The following RAPGEF2 variants were observed in gnomAD, a reference collection of about 807,000 sequenced individuals.
The protein encoded by RAPGEF2 is PDZ domain containing guanine nucleotide exchange factor (GEF) 1.
Under a neutral mutation model 186.7 loss-of-function variants are expected in RAPGEF2, and 54 were observed. The ratio of observed to expected loss-of-function variants is 0.29; its 90% confidence interval spans 0.23 to 0.36. The LOEUF is 0.36. Among genes scored for constraint, RAPGEF2 ranks in the 10% least tolerant of loss-of-function variants. The pLI is 1.00. For synonymous variants in RAPGEF2, 712 were observed against 705.9 expected (o/e 1.01, Z -0.14); for missense variants, 1,532 against 2,045.0 (o/e 0.75, Z 4.84).
chr4:159,339,723 T>G (rs1018305854), intron 19 of RAPGEF2, among the ~76,000 whole-genome samples: 2 of 152,200 alleles, frequency 1.3e-5, no homozygotes, highest in African/African-American at 4.8e-5. Flanking sequence ...CTTCCCTTTG[T>G]ATATGTACGT....
At chr4:159,169,637 T>C (rs1277914935) in intron 1 of RAPGEF2, among the ~76,000 whole-genome samples, 1 of 149,096 alleles carries the variant, frequency 6.7e-6, no homozygotes, top group Non-Finnish European at 1.5e-5. Flanking sequence ...CTCCTGTGAA[T>C]TCAACTTCTC....
chr4:159,296,449 ATT>A, intron 7 of RAPGEF2, among the ~76,000 whole-genome samples: 1 of 152,166 alleles, frequency 6.6e-6, no homozygotes. Context: ...ATCCATGAGA[ATT>A]TTCAGGTCAA....
chr4:159,341,662 G>T lies in RAPGEF2; in HGVS notation c.2633G>T (p.Ser878Ile). ...AGTCAAATTTCCCTCCTTCAGCTCA[G>T]CACTGTGGAAGTTGCAACACAGCTC... Reference protein sequence around the residue: ...RESQISLLQLSTVEVATQLSM... With the variant: ...RESQISLLQLITVEVATQLSM... The change falls in exon 20 of 30, where the codon AGC (serine) becomes ATC (isoleucine). Residue 878 changes from serine (S) to isoleucine (I), a missense_variant. This residue lies in a region of RAPGEF2 where 810 missense variants were observed against 1,210.5 expected (regional missense o/e 0.67). Coordinates refer to ENST00000691494, the MANE Select transcript of RAPGEF2 (RefSeq NM_001394067.2). 1 of 1,614,090 alleles carries T rather than the reference G, an allele frequency of 6.2e-7. No homozygotes were observed.
intron 1 of RAPGEF2, among the ~76,000 whole-genome samples, chr4:159,126,202 TG>T (rs1740282940): frequency 6.6e-6 from 1 of 152,234 alleles, no homozygotes; most frequent in Non-Finnish European, 1.5e-5. Flanking sequence ...TCAAACTTAC[TG>T]TGTAGCATTT....
At chr4:159,189,263 G>A (rs1386005099) in intron 2 of RAPGEF2, among the ~76,000 whole-genome samples, 1 of 152,102 alleles carries the variant, frequency 6.6e-6, no homozygotes, top group Non-Finnish European at 1.5e-5. Flanking sequence ...GAGTGGAAGT[G>A]GCTTTTATTT....
intron 7 of RAPGEF2, among the ~76,000 whole-genome samples, chr4:159,261,074 T>C (rs565458553): frequency 6.6e-6 from 1 of 150,438 alleles, no homozygotes; most frequent in African/African-American, 2.4e-5. Context: ...TTAATTTTTT[T>C]TTTTTTTAGA....
intron 1 of RAPGEF2, among the ~76,000 whole-genome samples, chr4:159,177,687 A>T (rs10012831): frequency 0.48 from 72,836 of 151,998 alleles, 19,072 homozygotes; most frequent in African/African-American, 0.7. Flanking sequence ...CCACTTAACC[A>T]TACCGTATCA....
At chr4:159,280,514 CAA>C (rs1759548337) in intron 7 of RAPGEF2, among the ~76,000 whole-genome samples, 1 of 152,146 alleles carries the variant, frequency 6.6e-6, no homozygotes, top group Non-Finnish European at 1.5e-5. Context: ...GTAGGTAGGA[CAA>C]GAGCACTTCC....
intron 8 of RAPGEF2, among the ~76,000 whole-genome samples, chr4:159,313,703 A>G (rs1180018358): frequency 1.3e-5 from 2 of 151,998 alleles, no homozygotes; most frequent in Non-Finnish European, 2.9e-5. Context: ...ATTTGGAAAA[A>G]CACTTCTGTT....
At chr4:159,319,203 T>C (rs777778503) in intron 9 of RAPGEF2, among the ~76,000 whole-genome samples, 24 of 152,180 alleles carry the variant, frequency 1.6e-4, no homozygotes, top group Non-Finnish European at 2.4e-4. Flanking sequence ...GTCCCTGACC[T>C]GTTAGGAACT....
At chr4:159,242,298 T>A (rs1435713661) in intron 6 of RAPGEF2, among the ~76,000 whole-genome samples, 1 of 151,592 alleles carries the variant, frequency 6.6e-6, no homozygotes, top group Non-Finnish European at 1.5e-5. Flanking sequence ...ATATAAAAAA[T>A]AAAAATAGAT....
rs574699647 is a variant in RAPGEF2, at chr4:159,329,789, G to T, written c.1150-69G>T. The stretch of plus-strand genomic sequence containing the variant: ...GTCAGTTTTAAATAATTAAAACACT[G>T]AATTATTAGTACTGCTAGGTCTTTT... On this transcript the variant is annotated intron_variant, in intron 11 of 29. Coordinates refer to ENST00000691494, the MANE Select transcript of RAPGEF2 (RefSeq NM_001394067.2). 41 of 1,269,272 alleles carry T rather than the reference G, an allele frequency of 3.2e-5. No individual in the cohort carries two copies. The South Asian group carries it at 5.4e-4, about 17-fold the overall frequency. The allele number at this position is 1,269,272 out of a possible 1,614,324, so 78.6% of individuals were successfully genotyped here.
intron 9 of RAPGEF2, among the ~76,000 whole-genome samples, chr4:159,318,057 T>TAA (rs561602963): frequency 8.3e-5 from 12 of 145,354 alleles, no homozygotes; most frequent in African/African-American, 3.0e-4. Flanking sequence ...AAGCCATCTT[T>TAA]AAAAAAAAAA....
intron 7 of RAPGEF2, among the ~76,000 whole-genome samples, chr4:159,245,336 T>G (rs542192391): frequency 6.6e-6 from 1 of 152,194 alleles, no homozygotes; most frequent in African/African-American, 2.4e-5. Flanking sequence ...ATTAGCATTT[T>G]CTTACATTTT....
intron 9 of RAPGEF2, among the ~76,000 whole-genome samples, chr4:159,317,599 C>T (rs528104403): frequency 3.9e-5 from 6 of 152,068 alleles, no homozygotes; most frequent in Admixed American, 1.3e-4. Flanking sequence ...TTTCTAAAAA[C>T]GGGTTTCACT....
At chr4:159,267,940 T>A in intron 7 of RAPGEF2, 1 of 1,317,888 alleles carries the variant, frequency 7.6e-7, no homozygotes, top group South Asian at 2.1e-5. Context: ...GTTATAAAAA[T>A]GGAGACGAAC....
rs2111304776 is a variant in RAPGEF2 at position 159,348,214 on chromosome 4, C to CT, written c.3712+1217dup. ...CCAGCCTGGGCGACAGAGCAAGACT[C>CT]TGTCGATAGATAGATAGATAGATAG... is the stretch of plus-strand genomic sequence containing the variant. On this transcript the variant is annotated intron_variant, in intron 25 of 29. Coordinates refer to ENST00000691494, the MANE Select transcript of RAPGEF2 (RefSeq NM_001394067.2). Among the ~76,000 whole-genome samples the CT allele has an allele frequency of 2.1e-5, 3 of 145,756 alleles. No individual in the cohort carries two copies. In the South Asian group the frequency reaches 6.4e-4, roughly 31 times the overall value.
At position 159,172,049 on chromosome 4, in the gene RAPGEF2, G is replaced by A. The variant is rs183145527; in HGVS notation, c.70-14593G>A. Among the ~76,000 whole-genome samples, 330 of 152,162 alleles carry A rather than the reference G, an allele frequency of 2.2e-3. 2 individuals carry two copies. The highest frequency in any genetic ancestry group is 7.4e-3 in the African/African-American group (306 of 41,504). ...ATTATAAAAAAAAGGGAAGGTTACAGTCCCACAATAAAGGAGAACTCTTTA... is the reference window on the plus strand; with the variant it reads ...ATTATAAAAAAAAGGGAAGGTTACAATCCCACAATAAAGGAGAACTCTTTA... On this transcript the variant is annotated intron_variant, in intron 1 of 29. Transcript: ENST00000691494.
At chr4:159,210,617 T>C (rs1309401739) in intron 4 of RAPGEF2, 34 bp downstream of exon 4, 11 of 1,425,574 alleles carry the variant, frequency 7.7e-6, no homozygotes, top group Non-Finnish European at 9.5e-6. Context: ...AGATTATCCA[T>C]GAAGCTTGAA....
Sources: gnomAD v4.1 joint callset for allele counts (sites outside exome capture counted in the v4.1 genomes callset) on GRCh38, gnomAD v4.1.1 for gene constraint, gnomAD v4.1.1 regional missense constraint, MANE v1.5 for transcripts, NCBI Gene and HGNC (gene_info 2026-07-23, HGNC 2026-07-21) for gene names.